The following CSNK1G1 variants were observed in gnomAD, a reference collection of about 807,000 sequenced individuals.
The protein encoded by CSNK1G1 is casein kinase I isoform gamma-1.
CSNK1G1 carries 22 observed loss-of-function variants against 59.6 expected under a neutral mutation model. The ratio of observed to expected loss-of-function variants is 0.37; its 90% CI spans 0.26 to 0.53. The LOEUF (loss-of-function observed/expected upper bound fraction) is 0.53, where lower values mean the gene tolerates loss of function less well. Ranked by LOEUF, CSNK1G1 falls within the 20% of genes least tolerant of loss-of-function variation. CSNK1G1 has a pLI of 0.89. For missense variants in CSNK1G1, 384 were observed against 519.5 expected (o/e 0.74, Z 2.54); for synonymous variants, 179 against 177.1 (o/e 1.01, Z -0.08).
intron 4 of CSNK1G1, among the ~76,000 whole-genome samples, chr15:64,220,570 C>T (rs1019479309): frequency 1.3e-5 from 2 of 151,444 alleles, no homozygotes; most frequent in Non-Finnish European, 2.9e-5. Flanking sequence ...GATCTTAGAT[C>T]AGTGCAACCT....
intron 2 of CSNK1G1, among the ~76,000 whole-genome samples, chr15:64,282,949 T>C (rs1596216320): frequency 1.3e-5 from 2 of 152,338 alleles, no homozygotes; most frequent in East Asian, 3.9e-4. Flanking sequence ...ACATTGTTTC[T>C]GGAGAAAAGT....
At position 64,284,158 on chromosome 15, in the gene CSNK1G1, T is replaced by C. The variant is rs1340092714; in HGVS notation, c.181+16161A>G. On this transcript the variant is annotated intron_variant, in intron 2 of 11. Transcript: ENST00000303052. The stretch of plus-strand genomic sequence containing the variant: ...GTGCAATTGACTAGAGATTCATGGG[T>C]AGGTGTCAAATCTATTTTACCAGTC... Among the ~76,000 whole-genome samples, 3 of 152,190 alleles carry C rather than the reference T, an allele frequency of 2.0e-5. No homozygotes were observed. In the East Asian group the frequency reaches 5.8e-4, roughly 29 times the overall value.
intron 2 of CSNK1G1, among the ~76,000 whole-genome samples, chr15:64,266,733 C>G (rs1025756322): frequency 1.3e-5 from 2 of 152,084 alleles, no homozygotes; most frequent in African/African-American, 4.8e-5. Context: ...AACTGATTTT[C>G]GACAAAGATG....
rs113948651 is a variant in CSNK1G1 at position 64,210,657 on chromosome 15, A to G, written c.680-3063T>C. The stretch of plus-strand genomic sequence containing the variant: ...TTGAAGGCAGGGAGCAAGGTAACCC[A>G]GTGTTCTCACCCTAATTTCAACCAT... On this transcript the variant is annotated intron_variant, in intron 6 of 11. Transcript: ENST00000303052. The surrounding 1 kb of genome is among the most constrained non-coding windows in gnomAD (Gnocchi z 4.2). Among the ~76,000 whole-genome samples, 1,052 of 152,294 alleles carry G rather than the reference A, an allele frequency of 6.9e-3. 11 individuals carry two copies. Among genetic ancestry groups the G allele is most frequent in the African/African-American group, 0.017 (708 of 41,558 alleles).
intron 6 of CSNK1G1, among the ~76,000 whole-genome samples, chr15:64,211,207 GTCC>G (rs2082245623): frequency 6.6e-6 from 1 of 152,166 alleles, no homozygotes; most frequent in South Asian, 2.1e-4. Context: ...TTCTTCTCTT[GTCC>G]TCCTCCTCTG....
chr15:64,333,257 CAAAAAA>C (rs60857897), intron 1 of CSNK1G1, among the ~76,000 whole-genome samples: 16 of 16,506 alleles, frequency 9.7e-4, no homozygotes, highest in Non-Finnish European at 1.2e-3. Flanking sequence ...GACTCCATCT[CAAAAAA>C]AAAAAAAAAA....
intron 4 of CSNK1G1, among the ~76,000 whole-genome samples, chr15:64,226,647 T>C (rs1181125892): frequency 6.6e-6 from 1 of 151,968 alleles, no homozygotes; most frequent in Admixed American, 6.6e-5. Context: ...TTTACTCAGA[T>C]GGTAAATTCA....
intron 4 of CSNK1G1, among the ~76,000 whole-genome samples, chr15:64,223,998 T>C (rs2082424272): frequency 6.6e-6 from 1 of 152,230 alleles, no homozygotes; most frequent in African/African-American, 2.4e-5. Context: ...AGTAGAGATA[T>C]TTTAAAATGC....
intron 2 of CSNK1G1, among the ~76,000 whole-genome samples, chr15:64,273,554 G>A (rs1489244867): frequency 3.3e-5 from 5 of 152,070 alleles, no homozygotes; most frequent in Non-Finnish European, 7.4e-5. Context: ...GGATCTTCAT[G>A]CAAGGTATTT....
intron 2 of CSNK1G1, among the ~76,000 whole-genome samples, chr15:64,269,415 T>A (rs561874784): frequency 4.5e-4 from 69 of 152,250 alleles, no homozygotes; most frequent in African/African-American, 1.6e-3. Context: ...CAGGTGTATG[T>A]GTCCAGGAAT....
chr15:64,310,540 A>G (rs1224307086), intron 1 of CSNK1G1, among the ~76,000 whole-genome samples: 1 of 125,198 alleles, frequency 8.0e-6, no homozygotes, highest in Non-Finnish European at 1.7e-5. Context: ...ATGTGGTGAG[A>G]CTGTGTCTCT....
chr15:64,199,250 C>CAAAAAAAAAAAAAAAAA (rs56819260), intron 10 of CSNK1G1, among the ~76,000 whole-genome samples: 101 of 51,996 alleles, frequency 1.9e-3, no homozygotes, highest in East Asian at 3.3e-3. Context: ...AATCTTTTCT[C>CAAAAAAAAAAAAAAAAA]AAAAAAAAAA....
chr15:64,196,959 T>C (rs909652964), intron 10 of CSNK1G1, among the ~76,000 whole-genome samples: 2 of 152,198 alleles, frequency 1.3e-5, no homozygotes, highest in Non-Finnish European at 2.9e-5. Context: ...TATAAAAAAA[T>C]ATCTATTTAC....
At chr15:64,205,942 G>T (rs1344719171) in intron 7 of CSNK1G1, among the ~76,000 whole-genome samples, 1 of 152,210 alleles carries the variant, frequency 6.6e-6, no homozygotes, top group African/African-American at 2.4e-5. Context: ...GGAAGAGGGG[G>T]TGTAGGAGTA....
chr15:64,293,680 T>C (rs757965346), intron 2 of CSNK1G1, among the ~76,000 whole-genome samples: 27 of 152,232 alleles, frequency 1.8e-4, no homozygotes, highest in Non-Finnish European at 3.2e-4. Flanking sequence ...CCAGGCTGCA[T>C]GGCAGGAGGT....
chr15:64,221,366 T>C (rs922466289), intron 4 of CSNK1G1, among the ~76,000 whole-genome samples: 9 of 152,180 alleles, frequency 5.9e-5, no homozygotes, highest in African/African-American at 2.2e-4. Context: ...ATGTTTACAA[T>C]GAAGTCACAA....
At chr15:64,256,613 C>T (rs986967486) in intron 3 of CSNK1G1, among the ~76,000 whole-genome samples, 14 of 151,802 alleles carry the variant, frequency 9.2e-5, no homozygotes, top group Non-Finnish European at 1.8e-4. Flanking sequence ...ATATTAGCAG[C>T]ACAGGAGATT....
chr15:64,267,211 T>C, intron 2 of CSNK1G1, among the ~76,000 whole-genome samples: 1 of 144,270 alleles, frequency 6.9e-6, no homozygotes. Context: ...GAGCCAAGAC[T>C]GTGCCACTGC....
intron 3 of CSNK1G1, 27 bp downstream of exon 3, chr15:64,259,174 T>C: frequency 5.1e-6 from 8 of 1,562,398 alleles, no homozygotes; most frequent in Non-Finnish European, 7.0e-6. Flanking sequence ...ACCAAAACAT[T>C]AATTACCACA....
Sources: allele counts gnomAD v4.1 joint callset (sites outside exome capture counted in the v4.1 genomes callset), GRCh38; gene constraint gnomAD v4.1.1; non-coding constraint Gnocchi (gnomAD v3.1); transcripts MANE v1.5; gene names NCBI Gene and HGNC (gene_info 2026-07-23, HGNC 2026-07-21).